The following RNF212B variants were observed in gnomAD, a reference collection of about 807,000 sequenced individuals.
RNF212B encodes ring finger protein 212B, also known as E3 ubiquitin-protein ligase RNF212B.
A neutral mutation model predicts 55.5 loss-of-function variants in RNF212B; 52 were observed. That is an observed-to-expected ratio of 0.94 (90% CI 0.75 to 1.18). The LOEUF (loss-of-function observed/expected upper bound fraction) is 1.18, where lower values mean the gene tolerates loss of function less well. RNF212B is among the 50% of genes most tolerant of loss of function. RNF212B has a pLI of 0.00. For synonymous variants in RNF212B, 99 were observed against 121.4 expected (o/e 0.82, Z 1.21); for missense variants, 289 against 350.4 (o/e 0.82, Z 1.40).
chr14:23,220,563 C>T (rs532427177), intron 2 of RNF212B, among the ~76,000 whole-genome samples: 123 of 151,302 alleles, frequency 8.1e-4, no homozygotes, highest in African/African-American at 2.5e-3. Flanking sequence ...CGGTGGCTCA[C>T]GCCTGTAATC....
chr14:23,257,980 C>T (rs534204851), intron 4 of RNF212B, among the ~76,000 whole-genome samples: 3 of 152,292 alleles, frequency 2.0e-5, no homozygotes, highest in African/African-American at 7.2e-5. Flanking sequence ...AATCTCTCTT[C>T]TTGCACGGGA....
intron 2 of RNF212B, 81 bp from the exon 3 acceptor site, chr14:23,243,175 G>T: frequency 1.0e-6 from 1 of 987,966 alleles, no homozygotes; most frequent in Middle Eastern, 2.1e-4. Flanking sequence ...TAGCATACTA[G>T]ATTGTTGCCA....
At chr14:23,229,262 A>ACC (rs1882345391) in intron 2 of RNF212B, among the ~76,000 whole-genome samples, 2 of 116,170 alleles carry the variant, frequency 1.7e-5, no homozygotes, top group East Asian at 2.3e-4. Context: ...ATATATATAT[A>ACC]CCACATTGTT....
At chr14:23,205,395 G>T (rs10151903) in intron 2 of RNF212B, among the ~76,000 whole-genome samples, 1 of 149,402 alleles carries the variant, frequency 6.7e-6, no homozygotes. Context: ...ACCTATTATT[G>T]AATTTAACTT....
At chr14:23,249,469 C>T (rs1247073599) in intron 4 of RNF212B, among the ~76,000 whole-genome samples, 1 of 152,142 alleles carries the variant, frequency 6.6e-6, no homozygotes. Flanking sequence ...TGCTTGATCC[C>T]AAGAGGTTGA....
At chr14:23,220,295 G>T (rs757262892) in intron 2 of RNF212B, among the ~76,000 whole-genome samples, 1 of 152,192 alleles carries the variant, frequency 6.6e-6, no homozygotes, top group Non-Finnish European at 1.5e-5. Flanking sequence ...ACTTTGGGAG[G>T]TCGAGGTGGG....
rs1291982565 is a variant in RNF212B at position 23,262,822 on chromosome 14, A to G, written c.482-106A>G. ...TGTGATCTTCCTAACTTTATGTGTA[A>G]TATGAAAACATTATATAACCAGATA... is the stretch of plus-strand genomic sequence containing the variant. On this transcript the variant is annotated intron_variant, in intron 8 of 14. Coordinates refer to ENST00000430154, the MANE Select transcript of RNF212B (RefSeq NM_001282322.3). The G allele has an allele frequency of 7.6e-6, 11 of 1,446,846 alleles. No individual in the cohort carries two copies. The African/African-American group carries it at 1.3e-4, about 17-fold the overall frequency. The allele number at this position is 1,446,846 out of a possible 1,614,324, so 89.6% of individuals were successfully genotyped here.
intron 2 of RNF212B, among the ~76,000 whole-genome samples, chr14:23,193,756 A>T (rs1045872904): frequency 6.6e-6 from 1 of 152,162 alleles, no homozygotes; most frequent in African/African-American, 2.4e-5. Context: ...TTTAACAAAA[A>T]AAAAAAAGGA....
At chr14:23,248,185 T>G (rs1001789826) in intron 4 of RNF212B, among the ~76,000 whole-genome samples, 2 of 151,972 alleles carry the variant, frequency 1.3e-5, no homozygotes, top group Non-Finnish European at 2.9e-5. Context: ...TTGTGGCCAG[T>G]GGTGCAATCA....
upstream of RNF212B, among the ~76,000 whole-genome samples, chr14:23,236,868 C>T (rs116640066): frequency 1.3e-5 from 2 of 150,118 alleles, no homozygotes; most frequent in African/African-American, 4.9e-5. Context: ...TTTCTGGGAT[C>T]ATAGTTTCCG....
rs35758292 is a variant in RNF212B at position 23,222,237 on chromosome 14, T to C, written c.-1-18108T>C. Among the ~76,000 whole-genome samples, 11 of 151,352 alleles carry C rather than the reference T, an allele frequency of 7.3e-5. No individual in the cohort carries two copies. In the South Asian group the frequency reaches 8.3e-4, roughly 11 times the overall value. ...GAAAAGATGAACAAAATTGATAAACTTTTAGCCAGACTGAATAAGAAAAAA... is the reference window on the plus strand; with the variant it reads ...GAAAAGATGAACAAAATTGATAAACCTTTAGCCAGACTGAATAAGAAAAAA... On this transcript the variant is annotated intron_variant, in intron 2 of 15. Transcript: ENST00000399910.
At chr14:23,219,416 C>A (rs1881364674) in intron 2 of RNF212B, among the ~76,000 whole-genome samples, 1 of 149,704 alleles carries the variant, frequency 6.7e-6, no homozygotes, top group Non-Finnish European at 1.5e-5. Flanking sequence ...AGAGAAAGAA[C>A]AAAAAGTTTA....
chr14:23,269,395 G>C (rs1261586916), intron 12 of RNF212B, among the ~76,000 whole-genome samples: 1 of 152,118 alleles, frequency 6.6e-6, no homozygotes, highest in Non-Finnish European at 1.5e-5. Flanking sequence ...TGCCTTATAA[G>C]CAAAAAAGAA....
intron 4 of RNF212B, among the ~76,000 whole-genome samples, chr14:23,255,278 G>T (rs1459058861): frequency 1.3e-5 from 2 of 152,156 alleles, no homozygotes; most frequent in Non-Finnish European, 2.9e-5. Flanking sequence ...CTCAAGTCTA[G>T]GACTGCAAAT....
chr14:23,236,543 C>CA (rs1338103351), upstream of RNF212B, among the ~76,000 whole-genome samples: 9 of 151,656 alleles, frequency 5.9e-5, no homozygotes, highest in African/African-American at 1.9e-4. Context: ...CAACAAAAAG[C>CA]AAAAAAACCC....
At chr14:23,206,026 AGTTT>A (rs1879798956) in intron 2 of RNF212B, among the ~76,000 whole-genome samples, 1 of 152,230 alleles carries the variant, frequency 6.6e-6, no homozygotes, top group Non-Finnish European at 1.5e-5. Flanking sequence ...TTTTAAAGCT[AGTTT>A]ATTTATTAAA....
chr14:23,185,354 C>G (rs985916908), exon 1 of RNF212B: 1 of 152,144 alleles, frequency 6.6e-6, no homozygotes, highest in African/African-American at 2.4e-5. Flanking sequence ...TCGAATTTGC[C>G]TCTAGCCTTT....
chr14:23,211,834 C>T lies in RNF212B; in HGVS notation c.-2+18433C>T, dbSNP rs141685741. Among the ~76,000 whole-genome samples, 130 of 152,242 alleles carry T rather than the reference C, an allele frequency of 8.5e-4. 5 individuals carry two copies. The East Asian group carries it at 0.021, about 25-fold the overall frequency. On this transcript the variant is annotated intron_variant, in intron 2 of 15. Transcript: ENST00000399910. The stretch of plus-strand genomic sequence containing the variant: ...GCCTCCAGGATTCAAGCATTTCTCT[C>T]GCCTCAGTCTCCCAAGTAGCGAGGA...
chr14:23,267,122 C>T (rs1028997808), intron 11 of RNF212B, among the ~76,000 whole-genome samples: 2 of 152,108 alleles, frequency 1.3e-5, no homozygotes, highest in African/African-American at 4.8e-5. Context: ...GCATGCACCA[C>T]CACGCCTGGC....
Sources: gnomAD v4.1 joint callset for allele counts (sites outside exome capture counted in the v4.1 genomes callset) on GRCh38, gnomAD v4.1.1 for gene constraint, MANE v1.5 for transcripts, NCBI Gene and HGNC (gene_info 2026-07-23, HGNC 2026-07-21) for gene names.